Variants in RSU1 observed in about 807,000 individuals in gnomAD.
RSU1 encodes Ras suppressor protein 1.
A neutral mutation model predicts 31.1 loss-of-function variants in RSU1; 26 were observed. The ratio of observed to expected loss-of-function variants is 0.84; its 90% confidence interval spans 0.61 to 1.16. The LOEUF (loss-of-function observed/expected upper bound fraction) is 1.16. RSU1 is among the 50% of genes most tolerant of loss of function. The pLI is 0.00. For synonymous variants in RSU1, 164 were observed against 136.3 expected, an observed-to-expected ratio of 1.20 and a Z score of -1.41; for missense variants, 320 against 339.1, an observed-to-expected ratio of 0.94 and a Z score of 0.44.
chr10:16,655,956 T>C (rs974409868), intron 8 of RSU1, among the ~76,000 whole-genome samples: 3 of 152,220 alleles, frequency 2.0e-5, no homozygotes, highest in African/African-American at 4.8e-5. Context: ...TGTAATTATA[T>C]TGAATACTAC....
intron 3 of RSU1, among the ~76,000 whole-genome samples, chr10:16,777,522 T>C (rs963624448): frequency 4.6e-5 from 7 of 152,178 alleles, no homozygotes; most frequent in African/African-American, 1.4e-4. Context: ...TGCCCTGTGG[T>C]GCAGGGCCGG....
At chr10:16,736,033 A>G (rs1836617497) in intron 7 of RSU1, among the ~76,000 whole-genome samples, 1 of 152,172 alleles carries the variant, frequency 6.6e-6, no homozygotes, top group Admixed American at 6.5e-5. Context: ...CAAACAATAC[A>G]GTGGCAATGC....
chr10:16,665,172 C>T (rs1834964970), intron 8 of RSU1, among the ~76,000 whole-genome samples: 1 of 152,034 alleles, frequency 6.6e-6, no homozygotes, highest in African/African-American at 2.4e-5. Context: ...TCAAACTCCT[C>T]ACCTCAGGTG....
intron 8 of RSU1, among the ~76,000 whole-genome samples, chr10:16,599,249 G>C (rs1833673921): frequency 6.6e-6 from 1 of 151,704 alleles, no homozygotes; most frequent in African/African-American, 2.4e-5. Context: ...GAAGTGCCAG[G>C]ATTGGCAAAA....
rs1440539551 is a variant in RSU1, at chr10:16,752,932, T to A, written c.469A>T (p.Thr157Ser). 1 of 1,610,822 alleles carries A rather than the reference T, an allele frequency of 6.2e-7. No individual in the cohort carries two copies. The highest frequency in any genetic ancestry group is 1.3e-5 in the African/African-American group (1 of 74,892). Residue 157 changes from threonine to serine, a missense_variant, in exon 6 of 9, where the codon ACA becomes TCA. Transcript: ENST00000345264. ...EILPPDIGKL[T>S]KLQILSLRDN... ...AAATTACTTACTATCTGCAACTTTGTGAGCTTCCCAATATCTGGCGGCAGG... is the reference window on the plus strand; with the variant it reads ...AAATTACTTACTATCTGCAACTTTGAGAGCTTCCCAATATCTGGCGGCAGG...
chr10:16,733,259 G>C (rs923494986), intron 7 of RSU1, among the ~76,000 whole-genome samples: 2 of 149,846 alleles, frequency 1.3e-5, no homozygotes, highest in African/African-American at 4.9e-5. Context: ...GGGAGGCCGA[G>C]ATGGACGGAT....
chr10:16,807,595 A>C lies in RSU1; in HGVS notation c.109+9378T>G, dbSNP rs779677053. ...TAAAGAAAGTGGGGAGGGTTCTGCT[A>C]ATATTGATGGAGATTAAGTTGCTTC... On this transcript the variant is annotated intron_variant, in intron 2 of 8. Coordinates refer to ENST00000345264, the MANE Select transcript of RSU1 (RefSeq NM_012425.4). Among the ~76,000 whole-genome samples, 112 of 152,222 alleles carry C rather than the reference A, an allele frequency of 7.4e-4. 1 individual carries two copies. The highest frequency in any genetic ancestry group is 1.2e-3 in the Non-Finnish European group (80 of 68,048).
chr10:16,689,755 T>TA (rs1835505703), intron 8 of RSU1, among the ~76,000 whole-genome samples: 4 of 152,064 alleles, frequency 2.6e-5, no homozygotes. Context: ...CATTTAAGGT[T>TA]AAAAAAACGG....
intron 7 of RSU1, among the ~76,000 whole-genome samples, chr10:16,718,327 T>A (rs1836186320): frequency 6.6e-6 from 1 of 152,218 alleles, no homozygotes; most frequent in South Asian, 2.1e-4. Context: ...ACAGAATTTA[T>A]ACTCAGTAGC....
rs556752892 is a variant in RSU1 at position 16,799,854 on chromosome 10, G to A, written c.109+17119C>T. Among the ~76,000 whole-genome samples the A allele has an allele frequency of 1.1e-4, 16 of 152,234 alleles. No individual in the cohort carries two copies. In the South Asian group the frequency reaches 2.9e-3, roughly 28 times the overall value. On this transcript the variant is annotated intron_variant, in intron 2 of 8. Coordinates refer to ENST00000345264, the MANE Select transcript of RSU1 (RefSeq NM_012425.4). ...GTAGCCGGGGGCGGGGAGGGGATGC[G>A]GGGAAGTTGAGAAACAGCTGTGAAG...
chr10:16,656,391 C>T (rs995950895), intron 8 of RSU1, among the ~76,000 whole-genome samples: 12 of 152,154 alleles, frequency 7.9e-5, no homozygotes, highest in Admixed American at 2.0e-4. Context: ...TTTACTTAAT[C>T]AATCAAATCT....
intron 3 of RSU1, among the ~76,000 whole-genome samples, chr10:16,769,056 ACAAT>A (rs1454402474): frequency 3.9e-5 from 6 of 152,226 alleles, no homozygotes; most frequent in Admixed American, 2.6e-4. Context: ...CACAAAATCA[ACAAT>A]CAATCAGCTC....
At chr10:16,764,259 A>G in intron 4 of RSU1, 131 bp downstream of exon 4, 1 of 1,109,556 alleles carries the variant, frequency 9.0e-7, no homozygotes. Context: ...TTTTTTTAAG[A>G]CCCAAAACAT....
chr10:16,657,315 A>C (rs1412751010), intron 8 of RSU1, among the ~76,000 whole-genome samples: 1 of 152,210 alleles, frequency 6.6e-6, no homozygotes, highest in Non-Finnish European at 1.5e-5. Flanking sequence ...AACTTACTTG[A>C]CCATTCAGTT....
chr10:16,785,857 T>C (rs1837781577), intron 2 of RSU1, among the ~76,000 whole-genome samples: 1 of 152,142 alleles, frequency 6.6e-6, no homozygotes, highest in Non-Finnish European at 1.5e-5. Context: ...CTCTTGTAAT[T>C]AGTAAATTTG....
chr10:16,732,393 T>C (rs980216895), intron 7 of RSU1, among the ~76,000 whole-genome samples: 2 of 152,114 alleles, frequency 1.3e-5, no homozygotes, highest in African/African-American at 2.4e-5. Context: ...AATTAGGTCA[T>C]GAGAGTGGAG....
intron 8 of RSU1, among the ~76,000 whole-genome samples, chr10:16,664,579 T>G (rs572686577): frequency 4.0e-4 from 61 of 152,302 alleles, no homozygotes; most frequent in Middle Eastern, 3.4e-3. Flanking sequence ...AGACCTGGGT[T>G]AGAGTCTGCA....
chr10:16,642,932 G>A (rs1380892360), intron 8 of RSU1, among the ~76,000 whole-genome samples: 3 of 152,080 alleles, frequency 2.0e-5, no homozygotes, highest in African/African-American at 4.8e-5. Flanking sequence ...AACTACCAAT[G>A]CTTATAATTA....
intron 2 of RSU1, among the ~76,000 whole-genome samples, chr10:16,805,764 A>G (rs1838254290): frequency 1.3e-5 from 2 of 151,618 alleles, no homozygotes; most frequent in Admixed American, 6.6e-5. Context: ...CATTAGTAAT[A>G]TTAGTATTGT....
Sources: allele counts gnomAD v4.1 joint callset (sites outside exome capture counted in the v4.1 genomes callset), GRCh38; gene constraint gnomAD v4.1.1; transcripts MANE v1.5; gene names NCBI Gene and HGNC (gene_info 2026-07-23, HGNC 2026-07-21).